MALRD1: variants seen among roughly 807,000 people sequenced by gnomAD.
MALRD1 encodes MAM and LDL-receptor class A domain-containing protein 1.
Under a neutral mutation model 242.1 loss-of-function variants are expected in MALRD1, and 247 were observed. The observed-to-expected ratio is 1.02, with a 90% CI of 0.92 to 1.13. MALRD1 has a LOEUF of 1.13. Ranked by LOEUF, MALRD1 falls within the 50% of genes most tolerant of loss-of-function variation. The pLI, the probability that MALRD1 is intolerant of heterozygous loss-of-function variation, is 0.00. For synonymous variants in MALRD1, 995 were observed against 866.6 expected (o/e 1.15, Z -2.60); for missense variants, 2,989 against 2,533.1 (o/e 1.18, Z -3.86).
At chr10:19,171,891 TG>T (rs1449579154) in intron 13 of MALRD1, among the ~76,000 whole-genome samples, 1 of 141,804 alleles carries the variant, frequency 7.1e-6, no homozygotes, top group East Asian at 2.0e-4. Context: ...CGTATATATA[TG>T]ATATATATCA....
At chr10:19,515,880 T>C (rs1015837842) in intron 31 of MALRD1, among the ~76,000 whole-genome samples, 3 of 152,198 alleles carry the variant, frequency 2.0e-5, no homozygotes, top group African/African-American at 7.2e-5. Context: ...CTTTCTCTTC[T>C]TGCTGATAAG....
intron 5 of MALRD1, among the ~76,000 whole-genome samples, chr10:19,112,306 G>T (rs1836705308): frequency 6.6e-6 from 1 of 151,998 alleles, no homozygotes; most frequent in Admixed American, 6.5e-5. Flanking sequence ...TGCAATCCTG[G>T]TGGTGGTGGT....
rs1321040858 is a variant in MALRD1, at chr10:19,257,718, C to T, written c.3026C>T (p.Thr1009Ile). The T allele has an allele frequency of 1.3e-6, 2 of 1,542,170 alleles. No individual in the cohort carries two copies. The highest frequency in any genetic ancestry group is 4.9e-5 in the East Asian group (2 of 40,564). Residue 1009 changes from threonine (T) to isoleucine (I), a missense_variant, in exon 19 of 40, where the codon ACT becomes ATT. Transcript: ENST00000454679. ...GAGGCTTCAGTGGGAGATGGCTTCA[C>T]TGGAGATATTGCGATTGATGATCTG... ...LVEASVGDGF[T>I]GDIAIDDLSF...
chr10:19,337,179 G>A (rs924771626), intron 24 of MALRD1, among the ~76,000 whole-genome samples: 20 of 151,968 alleles, frequency 1.3e-4, no homozygotes, highest in African/African-American at 1.9e-4. Flanking sequence ...CTTAACATAT[G>A]TGTATATAAG....
intron 7 of MALRD1, among the ~76,000 whole-genome samples, chr10:19,125,360 T>TCTTTCTTTCCTTC (rs1837243351): frequency 8.6e-6 from 1 of 116,840 alleles, no homozygotes; most frequent in Non-Finnish European, 1.8e-5. Context: ...TTTCTTTCTT[T>TCTTTCTTTCCTTC]CTTTCTTTCT....
At chr10:19,294,312 A>G (rs1161628212) in intron 21 of MALRD1, among the ~76,000 whole-genome samples, 1 of 152,216 alleles carries the variant, frequency 6.6e-6, no homozygotes, top group Non-Finnish European at 1.5e-5. Context: ...AAGTGAAGGT[A>G]AATTAGACTT....
At chr10:19,383,299 C>T (rs1022655616) in intron 26 of MALRD1, among the ~76,000 whole-genome samples, 16 of 152,194 alleles carry the variant, frequency 1.1e-4, no homozygotes, top group African/African-American at 2.9e-4. Flanking sequence ...TGAGAACATA[C>T]GGTATTGGCT....
rs1183726102 is a variant in MALRD1 at position 19,228,289 on chromosome 10, G to C, written c.2991+18609G>C. Reference sequence around the variant, plus strand: ...GCATTATGCTCAGTGAAAGAAGCTAGACATGAAAGACACCAATGTATCATT... The same window carrying C: ...GCATTATGCTCAGTGAAAGAAGCTACACATGAAAGACACCAATGTATCATT... On this transcript the variant is annotated intron_variant, in intron 18 of 39. Transcript: ENST00000454679. Among the ~76,000 whole-genome samples the C allele has an allele frequency of 3.5e-4, 53 of 152,134 alleles. 2 individuals are homozygous for C. The highest frequency in any genetic ancestry group is 3.4e-3 in the Admixed American group (52 of 15,254).
upstream of MALRD1, among the ~76,000 whole-genome samples, chr10:19,047,175 G>A (rs1034186288): frequency 1.3e-5 from 2 of 152,120 alleles, no homozygotes; most frequent in African/African-American, 2.4e-5. Context: ...TACCAGACAG[G>A]GTGATTAATA....
At chr10:19,415,362 G>C (rs1005561664) in intron 28 of MALRD1, among the ~76,000 whole-genome samples, 3 of 152,060 alleles carry the variant, frequency 2.0e-5, no homozygotes, top group Non-Finnish European at 2.9e-5. Context: ...TAATGATACT[G>C]TGATTCCCCC....
At chr10:19,586,134 T>G (rs1036701233) in intron 33 of MALRD1, among the ~76,000 whole-genome samples, 1 of 152,158 alleles carries the variant, frequency 6.6e-6, no homozygotes, top group Non-Finnish European at 1.5e-5. Context: ...CTTCTAAATT[T>G]TTTTCAAAGT....
intron 28 of MALRD1, among the ~76,000 whole-genome samples, chr10:19,409,240 A>G (rs949289605): frequency 6.6e-6 from 1 of 152,212 alleles, no homozygotes; most frequent in Non-Finnish European, 1.5e-5. Flanking sequence ...AAAAGTGACT[A>G]ATTTTTTGAT....
chr10:19,226,384 G>T (rs959231718), intron 18 of MALRD1, among the ~76,000 whole-genome samples: 2 of 152,090 alleles, frequency 1.3e-5, no homozygotes, highest in African/African-American at 4.8e-5. Flanking sequence ...ACTTAAAATG[G>T]TGAAAGCCTT....
intron 8 of MALRD1, among the ~76,000 whole-genome samples, chr10:19,133,154 G>T (rs1237234653): frequency 2.6e-5 from 4 of 152,054 alleles, no homozygotes; most frequent in African/African-American, 9.7e-5. Context: ...CTTTTATTGA[G>T]TTTCTTACAT....
At chr10:19,414,600 G>C (rs557370115) in intron 28 of MALRD1, among the ~76,000 whole-genome samples, 16 of 152,260 alleles carry the variant, frequency 1.1e-4, no homozygotes, top group Admixed American at 9.2e-4. Context: ...GTTAAAGTTA[G>C]AGGTGAAAAT....
At chr10:19,298,592 A>G (rs1316107866) in intron 21 of MALRD1, among the ~76,000 whole-genome samples, 1 of 152,022 alleles carries the variant, frequency 6.6e-6, no homozygotes, top group Admixed American at 6.6e-5. Flanking sequence ...TCACGACTGA[A>G]CTGTAAGAGA....
chr10:19,543,433 C>CTTTTTT (rs71388849), intron 32 of MALRD1, among the ~76,000 whole-genome samples: 4,367 of 106,226 alleles, frequency 0.041, 460 homozygotes, highest in African/African-American at 0.14. Flanking sequence ...CAGCTGATTT[C>CTTTTTT]TTTTTTTTTT....
chr10:19,139,632 G>C (rs2131421605), intron 10 of MALRD1, among the ~76,000 whole-genome samples: 1 of 152,184 alleles, frequency 6.6e-6, no homozygotes, highest in East Asian at 1.9e-4. Flanking sequence ...TTGTCAAGTT[G>C]CCCTTACTTT....
At chr10:19,236,297 C>A (rs552153040) in intron 18 of MALRD1, among the ~76,000 whole-genome samples, 1 of 152,136 alleles carries the variant, frequency 6.6e-6, no homozygotes, top group Non-Finnish European at 1.5e-5. Flanking sequence ...ATGACACTTA[C>A]CTGGAATGGC....
Sources: allele counts gnomAD v4.1 joint callset (sites outside exome capture counted in the v4.1 genomes callset), GRCh38; gene constraint gnomAD v4.1.1; transcripts MANE v1.5; gene names NCBI Gene and HGNC (gene_info 2026-07-23, HGNC 2026-07-21).